MED12L: variants seen among roughly 807,000 people sequenced by gnomAD.
MED12L encodes the protein mediator complex subunit 12L.
MED12L carries 60 observed loss-of-function variants against 281.3 expected under a neutral mutation model. That is an observed-to-expected ratio of 0.21 (90% confidence interval 0.17 to 0.26). The LOEUF is 0.26. Ranked by LOEUF, MED12L falls within the 10% of genes least tolerant of loss-of-function variation. The pLI is 1.00. For missense variants in MED12L, 2,146 were observed against 2,680.9 expected (o/e 0.80, Z 4.41); for synonymous variants, 974 against 987.2 (o/e 0.99, Z 0.25).
Position 151,376,180 on chromosome 3 carries a change from A to G in MED12L, c.4019A>G (p.Asn1340Ser), listed in dbSNP as rs549039918. Residue 1340 changes from asparagine (N) to serine (S), a missense_variant, in exon 28 of 45, where the codon AAT becomes AGT. Coordinates refer to ENST00000687756, the MANE Select transcript of MED12L (RefSeq NM_001393769.1). ...HGIKECTEGDNLQRQHIKRIL... is the reference protein window; with the variant it reads ...HGIKECTEGDSLQRQHIKRIL... ...ATTAAAGAATGTACCGAGGGGGACA[A>G]TCTGCAAAGACAGCACATTAAGCGT... 5.6e-6 allele frequency: 9 copies of G among 1,600,898 alleles called. No homozygotes were observed. The highest frequency in any genetic ancestry group is 2.2e-5 in the South Asian group (2 of 88,904).
chr3:151,092,715 C>CA, intron 2 of MED12L, among the ~76,000 whole-genome samples: 1 of 152,196 alleles, frequency 6.6e-6, no homozygotes, highest in South Asian at 2.1e-4. Flanking sequence ...ACAGGTTGAC[C>CA]AGTTGACTTG....
intron 16 of MED12L, among the ~76,000 whole-genome samples, chr3:151,297,022 A>G (rs1745196226): frequency 6.6e-6 from 1 of 151,964 alleles, no homozygotes; most frequent in Non-Finnish European, 1.5e-5. Flanking sequence ...GCTCTTCCTA[A>G]TTCTTTCCCT....
intron 16 of MED12L, chr3:151,214,436 C>G: frequency 1.2e-6 from 1 of 824,294 alleles, no homozygotes; most frequent in Non-Finnish European, 1.9e-6. Flanking sequence ...ATAGTCAAAC[C>G]TACCAAATTT....
chr3:151,141,187 G>GTTTTTTTGTTTTTTTTTTTTTTT (rs376743895), intron 5 of MED12L, among the ~76,000 whole-genome samples: 7 of 99,124 alleles, frequency 7.1e-5, no homozygotes, highest in African/African-American at 1.9e-4. Flanking sequence ...TGTTTTTTTT[G>GTTTTTTTGTTTTTTTTTTTTTTT]TTTTTTTTTT....
chr3:151,357,184 T>G, intron 19 of MED12L, 29 bp from the exon 20 acceptor site: 1 of 1,548,124 alleles, frequency 6.5e-7, no homozygotes, highest in Non-Finnish European at 8.7e-7. Context: ...GGCACCTACA[T>G]GTTTATTCAG....
At chr3:151,309,967 G>A (rs1288773125) in intron 16 of MED12L, among the ~76,000 whole-genome samples, 1 of 152,162 alleles carries the variant, frequency 6.6e-6, no homozygotes, top group Non-Finnish European at 1.5e-5. Flanking sequence ...ACAAGAGTAG[G>A]AATTGGCCAT....
chr3:151,300,090 T>A, intron 16 of MED12L: 1 of 1,608,062 alleles, frequency 6.2e-7, no homozygotes. Context: ...AAGCGTCAAG[T>A]TGAACCCCAT....
intron 16 of MED12L, among the ~76,000 whole-genome samples, chr3:151,210,160 C>G (rs765357692): frequency 6.6e-6 from 1 of 152,206 alleles, no homozygotes; most frequent in Non-Finnish European, 1.5e-5. Context: ...AAGCCTAGAA[C>G]TTGCTCTTAT....
intron 16 of MED12L, chr3:151,294,193 T>C: frequency 6.2e-7 from 1 of 1,604,054 alleles, no homozygotes; most frequent in South Asian, 1.1e-5. Context: ...AATCATAATA[T>C]ATGCGAACTT....
intron 43 of MED12L, among the ~76,000 whole-genome samples, chr3:151,425,197 T>C (rs1462450483): frequency 6.6e-6 from 1 of 152,222 alleles, no homozygotes; most frequent in Non-Finnish European, 1.5e-5. Context: ...CTGCAGCTGA[T>C]TTTGTCAGCA....
intron 28 of MED12L, 68 bp downstream of exon 28, chr3:151,376,282 C>G (rs1411921573): frequency 8.3e-7 from 1 of 1,204,650 alleles, no homozygotes; most frequent in Middle Eastern, 2.1e-4. Context: ...AGAGTTACTT[C>G]CTCTCTTTTT....
chr3:151,094,967 G>A (rs192267045), intron 2 of MED12L, among the ~76,000 whole-genome samples: 2 of 152,316 alleles, frequency 1.3e-5, no homozygotes, highest in African/African-American at 4.8e-5. Flanking sequence ...TTATGTACCT[G>A]CGATCTGCCA....
chr3:151,417,638 A>C (rs1717771675), intron 43 of MED12L, among the ~76,000 whole-genome samples: 1 of 151,902 alleles, frequency 6.6e-6, no homozygotes, highest in African/African-American at 2.4e-5. Flanking sequence ...GGCACCTGCC[A>C]CCACACCCAG....
At chr3:151,165,571 G>C (rs766489678) in intron 10 of MED12L, 52 bp downstream of exon 10, 1 of 1,469,700 alleles carries the variant, frequency 6.8e-7, no homozygotes, top group East Asian at 2.3e-5. Flanking sequence ...ACTTTATGCT[G>C]TGTTTTTGCT....
chr3:151,197,224 C>T (rs898677702), intron 16 of MED12L, among the ~76,000 whole-genome samples: 1 of 152,116 alleles, frequency 6.6e-6, no homozygotes, highest in African/African-American at 2.4e-5. Flanking sequence ...AGTGCAGTGG[C>T]GCAGTCTCAG....
intron 16 of MED12L, among the ~76,000 whole-genome samples, chr3:151,252,881 A>G (rs1737118029): frequency 6.6e-6 from 1 of 152,106 alleles, no homozygotes. Flanking sequence ...AACCTAGTCC[A>G]ATTTTATTGA....
intron 6 of MED12L, among the ~76,000 whole-genome samples, chr3:151,157,514 G>A (rs1321171141): frequency 6.6e-6 from 1 of 151,708 alleles, no homozygotes; most frequent in African/African-American, 2.4e-5. Context: ...ATTCCATTTT[G>A]TCTCTTTTTT....
intron 11 of MED12L, among the ~76,000 whole-genome samples, chr3:151,173,569 A>G (rs1468977429): frequency 6.6e-6 from 1 of 152,232 alleles, no homozygotes; most frequent in African/African-American, 2.4e-5. Context: ...TTGCTTGACA[A>G]TTTTAACATA....
chr3:151,368,799 T>A (rs1755811477), intron 25 of MED12L, among the ~76,000 whole-genome samples: 1 of 150,170 alleles, frequency 6.7e-6, no homozygotes, highest in African/African-American at 2.5e-5. Flanking sequence ...TCTTACTGTG[T>A]CACCCAGGCT....
Sources: allele counts gnomAD v4.1 joint callset (sites outside exome capture counted in the v4.1 genomes callset), GRCh38; gene constraint gnomAD v4.1.1; transcripts MANE v1.5; gene names NCBI Gene and HGNC (gene_info 2026-07-23, HGNC 2026-07-21).